The following PIP4K2A variants were observed in gnomAD, a reference collection of about 807,000 sequenced individuals.
PIP4K2A encodes phosphatidylinositol-5-phosphate 4-kinase type 2 alpha, also known as phosphatidylinositol 5-phosphate 4-kinase type-2 alpha.
In PIP4K2A, 14 loss-of-function variants were observed where a neutral mutation model predicts 42.9. The ratio of observed to expected loss-of-function variants is 0.33; its 90% CI spans 0.22 to 0.51. The LOEUF is 0.51. Ranked by LOEUF, PIP4K2A falls within the 20% of genes least tolerant of loss-of-function variation. The pLI, the probability that PIP4K2A is intolerant of heterozygous loss-of-function variation, is 0.97. For missense variants in PIP4K2A, 434 were observed against 519.8 expected, an observed-to-expected ratio of 0.83 and a Z score of 1.61; for synonymous variants, 192 against 192.2, an observed-to-expected ratio of 1.00 and a Z score of 0.01.
At chr10:22,606,840 G>T (rs1168190620) in intron 3 of PIP4K2A, among the ~76,000 whole-genome samples, 1 of 152,154 alleles carries the variant, frequency 6.6e-6, no homozygotes, top group African/African-American at 2.4e-5. Flanking sequence ...AATGCCTGCA[G>T]CCAGTCGTAT....
At chr10:22,545,409 G>C (rs1836236831) in intron 7 of PIP4K2A, among the ~76,000 whole-genome samples, 1 of 152,218 alleles carries the variant, frequency 6.6e-6, no homozygotes, top group African/African-American at 2.4e-5. Flanking sequence ...GAGGGAAGGG[G>C]ACAACTGGGA....
rs1564426353 is a variant in PIP4K2A at position 22,573,405 on chromosome 10, T to C, written c.545A>G (p.Tyr182Cys). The stretch of plus-strand genomic sequence containing the variant: ...TTCAACTCCATCAACATTAAGCCGG[T>C]ACATGCCCAAGAACTGGGGAAGAAG... ...ITLLPQFLGM[Y>C]RLNVDGVEIY... Residue 182 changes from tyrosine (Y) to cysteine (C), a missense_variant, in exon 5 of 10, where the codon TAC becomes TGC. Physicochemically the swap from Tyr to Cys is radical, Grantham distance 194. Coordinates refer to ENST00000376573, the MANE Select transcript of PIP4K2A (RefSeq NM_005028.5). 6.2e-7 allele frequency: 1 copy of C among 1,613,862 alleles called. No individual in the cohort carries two copies. Among genetic ancestry groups the C allele is most frequent in the Non-Finnish European group, 8.5e-7 (1 of 1,179,760 alleles).
chr10:22,593,919 A>C (rs973760197), intron 3 of PIP4K2A, among the ~76,000 whole-genome samples: 47 of 152,344 alleles, frequency 3.1e-4, no homozygotes, highest in African/African-American at 1.1e-3. Flanking sequence ...CAGCAGCCTC[A>C]GTTTCATAGA....
At chr10:22,561,933 A>G (rs1038135153) in intron 6 of PIP4K2A, among the ~76,000 whole-genome samples, 2 of 152,178 alleles carry the variant, frequency 1.3e-5, no homozygotes, top group African/African-American at 4.8e-5. Flanking sequence ...TATAATAGCA[A>G]TGAATATAAT....
At chr10:22,704,786 T>A (rs1251220098) in intron 1 of PIP4K2A, among the ~76,000 whole-genome samples, 1 of 152,126 alleles carries the variant, frequency 6.6e-6, no homozygotes, top group Non-Finnish European at 1.5e-5. Context: ...TGGTGAGCCA[T>A]GTCAGTGGAA....
chr10:22,699,688 G>A (rs1236308657), intron 1 of PIP4K2A, among the ~76,000 whole-genome samples: 8 of 152,064 alleles, frequency 5.3e-5, no homozygotes, highest in South Asian at 2.1e-4. Context: ...AAAAACCAAC[G>A]ATTACATCTT....
At chr10:22,645,704 G>GAGACAGGGTCTCACTCAGGGACTC (rs1838866059) in intron 1 of PIP4K2A, among the ~76,000 whole-genome samples, 1 of 139,782 alleles carries the variant, frequency 7.2e-6, no homozygotes, top group African/African-American at 2.6e-5. Flanking sequence ...TTTTTTTTCT[G>GAGACAGGGTCTCACTCAGGGACTC]AGACAGGGTC....
At chr10:22,601,685 G>A (rs574940680) in intron 3 of PIP4K2A, among the ~76,000 whole-genome samples, 8 of 152,328 alleles carry the variant, frequency 5.3e-5, no homozygotes, top group African/African-American at 1.7e-4. Context: ...CCACAAGCAC[G>A]ACTGTGCCAA....
intron 1 of PIP4K2A, among the ~76,000 whole-genome samples, chr10:22,669,168 G>A (rs998599676): frequency 1.3e-5 from 2 of 152,082 alleles, no homozygotes; most frequent in Non-Finnish European, 2.9e-5. Flanking sequence ...TATAATGAGG[G>A]GAGATTTTTG....
rs747054115 is a variant in PIP4K2A at position 22,535,773 on chromosome 10, A to ATAAC, written c.*1424_*1427dup. ...GATACATGATCTAGGTTGGAAATTT[A>ATAAC]TAACTTGATTAAAAACAATCAGCAC... is the stretch of plus-strand genomic sequence containing the variant. On this transcript the variant is annotated 3_prime_UTR_variant, in exon 10 of 10. Transcript: ENST00000376573. 10 of 226,612 alleles carry ATAAC rather than the reference A, an allele frequency of 4.4e-5. No homozygotes were observed. In the Admixed American group the frequency reaches 5.7e-4, roughly 13 times the overall value. The allele number at this position is 226,612 out of a possible 1,614,324, so 14.0% of individuals were successfully genotyped here.
chr10:22,640,791 A>AC (rs1838767997), intron 1 of PIP4K2A, among the ~76,000 whole-genome samples: 15 of 152,350 alleles, frequency 9.8e-5, no homozygotes, highest in Admixed American at 9.8e-4. Flanking sequence ...AAGTGGAAAT[A>AC]AAGTGCGGAT....
intron 7 of PIP4K2A, among the ~76,000 whole-genome samples, chr10:22,547,811 T>TG (rs1588616962): frequency 6.6e-6 from 1 of 152,298 alleles, no homozygotes; most frequent in East Asian, 1.9e-4. Context: ...TGTGTGTGTG[T>TG]TTGTGTGCAG....
At chr10:22,644,596 C>T (rs2130798851) in intron 1 of PIP4K2A, among the ~76,000 whole-genome samples, 1 of 152,310 alleles carries the variant, frequency 6.6e-6, no homozygotes, top group East Asian at 1.9e-4. Context: ...GCAGATGGGG[C>T]TCCCCTCACC....
chr10:22,690,205 G>C (rs141177660), intron 1 of PIP4K2A, among the ~76,000 whole-genome samples: 53 of 152,224 alleles, frequency 3.5e-4, no homozygotes, highest in Non-Finnish European at 6.8e-4. Context: ...GAGGTTGGGG[G>C]AACAATCCCA....
At chr10:22,687,934 T>C (rs892991450) in intron 1 of PIP4K2A, among the ~76,000 whole-genome samples, 10 of 152,222 alleles carry the variant, frequency 6.6e-5, no homozygotes, top group African/African-American at 2.4e-4. Context: ...TAGATGAATT[T>C]GCTTCACTAT....
intron 1 of PIP4K2A, among the ~76,000 whole-genome samples, chr10:22,611,949 C>G (rs1201701731): frequency 1.3e-5 from 2 of 152,208 alleles, no homozygotes; most frequent in African/African-American, 4.8e-5. Flanking sequence ...TCCTCCAAAG[C>G]TTTGATGCCT....
chr10:22,571,726 C>T (rs2364116), intron 5 of PIP4K2A, among the ~76,000 whole-genome samples: 80,535 of 152,080 alleles, frequency 0.53, 22,096 homozygotes, highest in East Asian at 0.88. Context: ...AGAATATCTA[C>T]AATTATCCAA....
intron 1 of PIP4K2A, among the ~76,000 whole-genome samples, chr10:22,637,515 C>T (rs1472010124): frequency 6.6e-6 from 1 of 152,188 alleles, no homozygotes; most frequent in Admixed American, 6.5e-5. Context: ...CATAACTTAG[C>T]CTATCCAGAC....
chr10:22,627,787 A>T (rs1368767413), intron 1 of PIP4K2A, among the ~76,000 whole-genome samples: 3 of 152,074 alleles, frequency 2.0e-5, no homozygotes, highest in Non-Finnish European at 4.4e-5. Flanking sequence ...TCTTTATTTG[A>T]GGACTCTAGT....
Sources: gnomAD v4.1 joint callset for allele counts (sites outside exome capture counted in the v4.1 genomes callset) on GRCh38, gnomAD v4.1.1 for gene constraint, MANE v1.5 for transcripts, NCBI Gene and HGNC (gene_info 2026-07-23, HGNC 2026-07-21) for gene names.